VPS13C: variants seen among roughly 807,000 people sequenced by gnomAD.
The protein encoded by VPS13C is vacuolar protein sorting 13 homolog C.
In VPS13C, 358 loss-of-function variants were observed where a neutral mutation model predicts 456.8. The ratio of observed to expected loss-of-function variants is 0.78; its 90% confidence interval spans 0.72 to 0.86. The LOEUF (loss-of-function observed/expected upper bound fraction) is 0.86. VPS13C is among the 40% of genes least tolerant of loss of function. The probability of loss-of-function intolerance (pLI) is 0.00; values close to 1 mark genes in which losing one functional copy is unlikely to be tolerated. For missense variants in VPS13C, 4,818 were observed against 4,385.4 expected, an observed-to-expected ratio of 1.10 and a Z score of -2.79; for synonymous variants, 1,578 against 1,486.7, an observed-to-expected ratio of 1.06 and a Z score of -1.41.
At position 62,048,746 on chromosome 15, in the gene VPS13C, C is replaced by T. The variant is rs972390100; in HGVS notation, c.101-4491G>A. On this transcript the variant is annotated intron_variant, in intron 1 of 84. Transcript: ENST00000644861. ...CAGTGTAAAAGTGTTCCTATTTCTCCACATCCTCTCCAGCACCTGTTGTTT... is the reference window on the plus strand; with the variant it reads ...CAGTGTAAAAGTGTTCCTATTTCTCTACATCCTCTCCAGCACCTGTTGTTT... Among the ~76,000 whole-genome samples, 9 of 152,112 alleles carry T rather than the reference C, an allele frequency of 5.9e-5. No homozygotes were observed. In the South Asian group the frequency reaches 1.2e-3, roughly 21 times the overall value.
intron 18 of VPS13C, among the ~76,000 whole-genome samples, chr15:61,988,977 T>C (rs1422531855): frequency 6.6e-6 from 1 of 152,016 alleles, no homozygotes; most frequent in African/African-American, 2.4e-5. Flanking sequence ...TTTCATGACC[T>C]TGCAATGAGG....
chr15:61,983,442 G>C (rs936965924), intron 20 of VPS13C, among the ~76,000 whole-genome samples: 1 of 152,082 alleles, frequency 6.6e-6, no homozygotes, highest in Admixed American at 6.5e-5. Flanking sequence ...ATTTTAATCA[G>C]TCCTAAAGCT....
At chr15:61,892,620 G>A (rs1566974086) in intron 66 of VPS13C, among the ~76,000 whole-genome samples, 1 of 152,106 alleles carries the variant, frequency 6.6e-6, no homozygotes, top group Non-Finnish European at 1.5e-5. Flanking sequence ...AGCAAGCAGG[G>A]AACCATGGCC....
At chr15:61,977,548 G>A (rs761688149) in intron 23 of VPS13C, among the ~76,000 whole-genome samples, 3 of 151,850 alleles carry the variant, frequency 2.0e-5, no homozygotes, top group Non-Finnish European at 2.9e-5. Flanking sequence ...TAATTACAGT[G>A]AAAAGAGGAG....
intron 49 of VPS13C, among the ~76,000 whole-genome samples, 192 bp from the exon 50 acceptor site, chr15:61,931,451 T>C (rs1208321652): frequency 2.0e-5 from 3 of 152,134 alleles, no homozygotes; most frequent in African/African-American, 4.8e-5. Context: ...TACAAATAAA[T>C]AGATATATGT....
chr15:61,889,896 C>A (rs1452883499), intron 67 of VPS13C, among the ~76,000 whole-genome samples: 1 of 152,128 alleles, frequency 6.6e-6, no homozygotes, highest in Non-Finnish European at 1.5e-5. Flanking sequence ...CACACACGCA[C>A]ACATTAAGGA....
intron 22 of VPS13C, 58 bp from the exon 23 acceptor site, chr15:61,978,807 A>G (rs1349658454): frequency 2.8e-5 from 42 of 1,524,294 alleles, no homozygotes; most frequent in Non-Finnish European, 5.3e-6. Context: ...ACATACATCA[A>G]CATACTTTAG....
Position 62,033,453 on chromosome 15 carries a change from C to G in VPS13C, c.373G>C (p.Ala125Pro). 1 of 1,598,884 alleles carries G rather than the reference C, an allele frequency of 6.3e-7. No homozygotes were observed. Among genetic ancestry groups the G allele is most frequent in the East Asian group, 2.3e-5 (1 of 44,392 alleles). Reference sequence around the variant, plus strand: ...AAAAACTTTTTACCTTTTTCTGCTGCTTTTTGAAGGGCTTCTTCAATTCGG... The same window carrying G: ...AAAAACTTTTTACCTTTTTCTGCTGGTTTTTGAAGGGCTTCTTCAATTCGG... ...LSRIEEALQK[A>P]AEKGTHSGEF... is the part of the protein sequence containing the mutation. The change falls in exon 5 of 85, where the codon GCA becomes CCA. Residue 125 changes from alanine to proline, a missense_variant. Physicochemically the swap from Ala to Pro is conservative, Grantham distance 27. This residue lies in a region of VPS13C where 4,552 missense variants were observed against 4,130.6 expected (regional missense o/e 1.10). Coordinates refer to ENST00000644861, the MANE Select transcript of VPS13C (RefSeq NM_020821.3).
At chr15:61,880,531 A>G (rs555680082) in intron 73 of VPS13C, 78 bp downstream of exon 73, 4 of 909,388 alleles carry the variant, frequency 4.4e-6, no homozygotes, top group Admixed American at 6.4e-5. Flanking sequence ...ACAAATTAAA[A>G]CCTACCTTGG....
In VPS13C at chr15:61,867,116, G is replaced by C. The variant is rs1314872218; in HGVS notation, c.10863+1543C>G. 1 of 978,784 alleles carries C rather than the reference G, an allele frequency of 1.0e-6. No homozygotes were observed. Among genetic ancestry groups the C allele is most frequent in the Non-Finnish European group, 1.2e-6 (1 of 823,914 alleles). The allele number at this position is 978,784 out of a possible 1,614,324, so 60.6% of individuals were successfully genotyped here. A position where few individuals can be genotyped will look rare whatever the true frequency, so the allele number is the denominator to read the frequency against. On this transcript the variant is annotated intron_variant, in intron 81 of 84. Transcript: ENST00000644861. This position sits in a 1 kb window ranked among gnomAD's most constrained non-coding sequence, Gnocchi z 5.0. ...ATTTAAAAGCAAAAGGTTGGTTTTTGAAAATAAAGAAATCTATGTATTCAA... is the reference window on the plus strand; with the variant it reads ...ATTTAAAAGCAAAAGGTTGGTTTTTCAAAATAAAGAAATCTATGTATTCAA...
intron 50 of VPS13C, among the ~76,000 whole-genome samples, chr15:61,930,698 C>T (rs912696509): frequency 3.9e-5 from 6 of 152,118 alleles, no homozygotes; most frequent in African/African-American, 1.4e-4. Context: ...TTTTGCATAA[C>T]TGTTTTAAAA....
chr15:61,969,713 T>A (rs1247110153), intron 27 of VPS13C, among the ~76,000 whole-genome samples: 1 of 152,160 alleles, frequency 6.6e-6, no homozygotes, highest in African/African-American at 2.4e-5. Context: ...TAGGAATGTA[T>A]AGATTCTTCC....
intron 84 of VPS13C, 59 bp downstream of exon 84, chr15:61,854,812 G>C (rs760368759): frequency 4.2e-6 from 6 of 1,436,898 alleles, no homozygotes; most frequent in East Asian, 2.3e-5. Flanking sequence ...CATTATAAGA[G>C]GCTTTTAAAA....
Position 61,909,018 on chromosome 15 carries a change from T to C in VPS13C, c.8952A>G (p.Pro2984=), listed in dbSNP as rs1425926904. Residue 2984 remains proline (P), a synonymous_variant, in exon 65 of 85, where the codon CCA becomes CCG. Transcript: ENST00000644861. ...SAPALIMNHT[P]WDILTYKQSG... ...TCTGTTTGTATGTGAGGATGTCCCA[T>C]GGTGTATGGTTCATTATCAAGGCAG... 3.1e-6 allele frequency: 5 copies of C among 1,613,790 alleles called. No homozygotes were observed. The South Asian group carries it at 3.3e-5, about 11-fold the overall frequency.
At chr15:62,024,610 T>C (rs929801648) in intron 6 of VPS13C, among the ~76,000 whole-genome samples, 7 of 152,076 alleles carry the variant, frequency 4.6e-5, no homozygotes, top group Admixed American at 3.9e-4. Context: ...TCTACCCTGT[T>C]ACCAGATTGA....
Position 61,922,663 on chromosome 15 carries a change from T to C in VPS13C, c.6709A>G (p.Asn2237Asp). 6.2e-7 allele frequency: 1 copy of C among 1,614,062 alleles called. No homozygotes were observed. The highest frequency in any genetic ancestry group is 8.5e-7 in the Non-Finnish European group (1 of 1,179,948). ...GSKDTSKEME[N>D]LWGIKSINDY... ...TTAATCGATTTGATACCCCAAAGAT[T>C]TTCCATTTCCTTAGACGTATCTTTG... is the stretch of plus-strand genomic sequence containing the variant. The change falls in exon 54 of 85, where the codon AAT becomes GAT. Residue 2237 changes from asparagine (N) to aspartate (D), a missense_variant. Asn to Asp is a conservative substitution (Grantham distance 23). Around this residue, in one of 3 missense-constraint regions of VPS13C, gnomAD observed 4,552 missense variants for 4,130.6 expected, o/e 1.10. Transcript: ENST00000644861.
Position 62,010,457 on chromosome 15 carries a change from C to G in VPS13C, c.1011+15G>C. On this transcript the variant is annotated intron_variant, in intron 13 of 84. Coordinates refer to ENST00000644861, the MANE Select transcript of VPS13C (RefSeq NM_020821.3). The stretch of plus-strand genomic sequence containing the variant: ...CAAGGCTAATCAAAGCTGGAAATAT[C>G]CACATGAATCATACCTGAGGTTTGG... The G allele has an allele frequency of 6.3e-7, 1 of 1,576,332 alleles. No homozygotes were observed. Among genetic ancestry groups the G allele is most frequent in the Non-Finnish European group, 8.6e-7 (1 of 1,162,726 alleles).
intron 51 of VPS13C, among the ~76,000 whole-genome samples, chr15:61,928,792 C>G (rs146392685): frequency 5.3e-4 from 81 of 151,700 alleles, no homozygotes; most frequent in African/African-American, 1.9e-3. Flanking sequence ...GGTGGGAGAA[C>G]TGCTTGAGCC....
In VPS13C at chr15:61,867,771, T is replaced by C. The variant is rs1894694877; in HGVS notation, c.10863+888A>G. ...CAGGAATACCACAAGTTTTTATTTG[T>C]AGTCAATCCCACTACTATGAAAAGT... On this transcript the variant is annotated intron_variant, in intron 81 of 84. Coordinates refer to ENST00000644861, the MANE Select transcript of VPS13C (RefSeq NM_020821.3). The surrounding 1 kb of genome is among the most constrained non-coding windows in gnomAD (Gnocchi z 5.0). 6.7e-7 allele frequency: 1 copy of C among 1,484,244 alleles called. No individual in the cohort carries two copies. Among genetic ancestry groups the C allele is most frequent in the African/African-American group, 1.4e-5 (1 of 69,566 alleles). 91.9% of individuals were successfully genotyped at this position (1,484,244 alleles called of 1,614,324 possible).
Sources: gnomAD v4.1 joint callset for allele counts (sites outside exome capture counted in the v4.1 genomes callset) on GRCh38, gnomAD v4.1.1 for gene constraint, gnomAD v4.1.1 regional missense constraint, Gnocchi (gnomAD v3.1) non-coding constraint, MANE v1.5 for transcripts, NCBI Gene and HGNC (gene_info 2026-07-23, HGNC 2026-07-21) for gene names.